RBFOX1: variants seen among roughly 807,000 people sequenced by gnomAD.
RBFOX1 encodes the protein RNA binding protein fox-1 homolog 1.
RBFOX1 carries 8 observed loss-of-function variants against 57.7 expected under a neutral mutation model. The ratio of observed to expected loss-of-function variants is 0.14; its 90% CI spans 0.08 to 0.25. RBFOX1 has a LOEUF of 0.25. Among genes scored for constraint, RBFOX1 ranks in the 10% least tolerant of loss-of-function variants. RBFOX1 has a pLI of 1.00. For synonymous variants in RBFOX1, 326 were observed against 222.4 expected, an observed-to-expected ratio of 1.47 and a Z score of -4.15; for missense variants, 611 against 548.5, an observed-to-expected ratio of 1.11 and a Z score of -1.14.
chr16:5,399,832 C>G (rs1267207558), intron 1 of RBFOX1, among the ~76,000 whole-genome samples: 3 of 151,958 alleles, frequency 2.0e-5, no homozygotes, highest in African/African-American at 7.3e-5. Flanking sequence ...TTAAGGTGAA[C>G]TGTTAAAGAT....
intron 2 of RBFOX1, among the ~76,000 whole-genome samples, chr16:6,455,767 T>A (rs1380928865): frequency 6.6e-6 from 1 of 152,200 alleles, no homozygotes; most frequent in African/African-American, 2.4e-5. Flanking sequence ...GCTTTTATTG[T>A]ATGATTACCT....
chr16:6,838,917 G>T (rs2093297854), intron 3 of RBFOX1, among the ~76,000 whole-genome samples: 2 of 151,372 alleles, frequency 1.3e-5, no homozygotes. Flanking sequence ...TACCATTCAA[G>T]ACTGTGCACT....
At chr16:5,689,444 G>A (rs770192816) in intron 3 of RBFOX1, among the ~76,000 whole-genome samples, 83 of 152,302 alleles carry the variant, frequency 5.4e-4, no homozygotes, top group African/African-American at 1.8e-3. Flanking sequence ...TGGGGAAAGC[G>A]GAGGATAGGA....
intron 4 of RBFOX1, among the ~76,000 whole-genome samples, chr16:7,158,941 A>G (rs928242120): frequency 1.3e-5 from 2 of 151,984 alleles, no homozygotes; most frequent in Non-Finnish European, 2.9e-5. Flanking sequence ...GTGTAGTTTC[A>G]TGTGGCCACC....
intron 3 of RBFOX1, among the ~76,000 whole-genome samples, chr16:6,767,603 C>T (rs907406701): frequency 6.6e-6 from 1 of 151,924 alleles, no homozygotes; most frequent in Admixed American, 6.6e-5. Flanking sequence ...TTTCAAATCC[C>T]AAAGAACTCA....
chr16:7,144,082 C>G (rs552732811), intron 4 of RBFOX1, among the ~76,000 whole-genome samples: 1 of 152,104 alleles, frequency 6.6e-6, no homozygotes, highest in Non-Finnish European at 1.5e-5. Flanking sequence ...GGCTTTTTCC[C>G]TTGGGGGAAA....
At position 6,147,337 on chromosome 16, in the gene RBFOX1, G is replaced by C. The variant is rs192458799; in HGVS notation, c.-127+127345G>C. 1.1e-4 allele frequency among the ~76,000 whole-genome samples: 16 copies of C among 152,148 alleles called. No homozygotes were observed. The East Asian group carries it at 3.1e-3, about 29-fold the overall frequency. On this transcript the variant is annotated intron_variant, in intron 1 of 15. Transcript: ENST00000550418. ...GTACAGGCCAGTTTTGCTTTTCTGTGATCCCAAGCTATGACCTAACACAAC... is the reference window on the plus strand; with the variant it reads ...GTACAGGCCAGTTTTGCTTTTCTGTCATCCCAAGCTATGACCTAACACAAC...
At chr16:5,826,119 G>GAATAAGGAATAATATTCCTTAATATA (rs2056041633) in intron 3 of RBFOX1, among the ~76,000 whole-genome samples, 1 of 146,618 alleles carries the variant, frequency 6.8e-6, no homozygotes, top group South Asian at 2.1e-4. Flanking sequence ...TCCTTAATAT[G>GAATAAGGAATAATATTCCTTAATATA]AATAAGGAAT....
At chr16:6,201,378 A>G (rs968374314) in intron 1 of RBFOX1, among the ~76,000 whole-genome samples, 1 of 152,160 alleles carries the variant, frequency 6.6e-6, no homozygotes, top group Non-Finnish European at 1.5e-5. Flanking sequence ...AGGAACCTCC[A>G]TACTGTTCCC....
chr16:7,707,542 A>G (rs1012836057), intron 14 of RBFOX1, among the ~76,000 whole-genome samples: 9 of 152,112 alleles, frequency 5.9e-5, no homozygotes, highest in Non-Finnish European at 1.2e-4. Context: ...TCAAAAAACG[A>G]TGTCGATCCC....
intron 3 of RBFOX1, among the ~76,000 whole-genome samples, chr16:5,664,634 T>A (rs911719659): frequency 6.6e-6 from 1 of 152,234 alleles, no homozygotes; most frequent in African/African-American, 2.4e-5. Context: ...CCTAAGGGTT[T>A]ATCCTACTTG....
At chr16:7,657,036 C>T (rs868193420) in intron 12 of RBFOX1, among the ~76,000 whole-genome samples, 3 of 152,142 alleles carry the variant, frequency 2.0e-5, no homozygotes, top group South Asian at 4.2e-4. Context: ...TCCACTGTCA[C>T]CAATTGAAGG....
intron 2 of RBFOX1, among the ~76,000 whole-genome samples, chr16:6,373,548 G>A (rs771234944): frequency 2.0e-5 from 3 of 151,546 alleles, no homozygotes; most frequent in South Asian, 2.1e-4. Context: ...GGGATCACAG[G>A]GTACGAGGAT....
intron 4 of RBFOX1, among the ~76,000 whole-genome samples, chr16:7,467,245 C>A (rs1483851321): frequency 6.6e-6 from 1 of 152,100 alleles, no homozygotes; most frequent in East Asian, 1.9e-4. Context: ...AATGAGTCTC[C>A]TAGGCGACCT....
At chr16:7,286,217 A>G (rs757674135) in intron 4 of RBFOX1, among the ~76,000 whole-genome samples, 4 of 152,196 alleles carry the variant, frequency 2.6e-5, no homozygotes, top group Non-Finnish European at 5.9e-5. Flanking sequence ...AAGCTCTAAT[A>G]GGTAAACACT....
chr16:7,445,012 T>TTTG (rs997568815), intron 4 of RBFOX1, among the ~76,000 whole-genome samples: 2 of 81,934 alleles, frequency 2.4e-5, no homozygotes, highest in East Asian at 2.4e-4. Context: ...GAAGTGTTTG[T>TTTG]TTTTTTTTTT....
At chr16:6,526,263 G>T (rs1381807889) in intron 2 of RBFOX1, among the ~76,000 whole-genome samples, 1 of 152,166 alleles carries the variant, frequency 6.6e-6, no homozygotes, top group Non-Finnish European at 1.5e-5. Flanking sequence ...ATAGAGTATT[G>T]GGTTTCCTAT....
intron 4 of RBFOX1, among the ~76,000 whole-genome samples, chr16:7,060,115 T>C (rs1481888847): frequency 6.6e-6 from 1 of 152,204 alleles, no homozygotes; most frequent in Admixed American, 6.5e-5. Flanking sequence ...TAACAAACTT[T>C]AAACTTTTTC....
intron 1 of RBFOX1, among the ~76,000 whole-genome samples, chr16:5,291,548 G>A (rs2063536033): frequency 6.6e-6 from 1 of 152,188 alleles, no homozygotes; most frequent in Non-Finnish European, 1.5e-5. Context: ...ACAGGCATGT[G>A]TCACGCGCCT....
Sources: gnomAD v4.1 joint callset for allele counts (sites outside exome capture counted in the v4.1 genomes callset) on GRCh38, gnomAD v4.1.1 for gene constraint, MANE v1.5 for transcripts, NCBI Gene and HGNC (gene_info 2026-07-23, HGNC 2026-07-21) for gene names.